The following SHANK2 variants were observed in gnomAD, a reference collection of about 807,000 sequenced individuals.
The protein encoded by SHANK2 is SH3 and multiple ankyrin repeat domains protein 2.
In SHANK2, 43 loss-of-function variants were observed where a neutral mutation model predicts 133.7. The ratio of observed to expected loss-of-function variants is 0.32; its 90% CI spans 0.25 to 0.41. The LOEUF is 0.41. Among genes scored for constraint, SHANK2 ranks in the 10% least tolerant of loss-of-function variants. The pLI is 1.00. For synonymous variants in SHANK2, 1,017 were observed against 952.8 expected (o/e 1.07, Z -1.24); for missense variants, 1,994 against 2,235.8 (o/e 0.89, Z 2.18).
chr11:71,211,034 A>AG (rs1160258591), intron 2 of SHANK2, among the ~76,000 whole-genome samples: 3 of 151,990 alleles, frequency 2.0e-5, no homozygotes, highest in South Asian at 2.1e-4. Context: ...GTCCTGTTTC[A>AG]GGGGGGTCCC....
chr11:70,747,585 C>T lies in SHANK2; in HGVS notation c.1778-48822G>A, dbSNP rs117325176. 9.5e-3 allele frequency among the ~76,000 whole-genome samples: 1,449 copies of T among 152,278 alleles called. 33 individuals are homozygous for T. In the East Asian group the frequency reaches 0.1, roughly 11 times the overall value. On this transcript the variant is annotated intron_variant, in intron 14 of 25. Coordinates refer to ENST00000601538, the MANE Select transcript of SHANK2 (RefSeq NM_012309.5). ...GCACTGCTGGTGGCCACCAGGCTTG[C>T]GTTGGAGATAGCACTGTTTGGGTGG...
intron 17 of SHANK2, among the ~76,000 whole-genome samples, chr11:70,575,888 G>A (rs544831427): frequency 1.3e-5 from 2 of 152,106 alleles, no homozygotes; most frequent in African/African-American, 4.8e-5. Flanking sequence ...TGGGGCCCTG[G>A]TAGGTTTTAA....
chr11:71,076,169 C>G (rs1169803132), intron 8 of SHANK2, among the ~76,000 whole-genome samples: 7 of 152,168 alleles, frequency 4.6e-5, no homozygotes, highest in Non-Finnish European at 8.8e-5. Context: ...CTCTGTCCAG[C>G]CACACACTGC....
chr11:71,116,297 G>A (rs1266012101), intron 4 of SHANK2, among the ~76,000 whole-genome samples: 6 of 152,206 alleles, frequency 3.9e-5, no homozygotes, highest in African/African-American at 9.6e-5. Context: ...GAGTGCAATC[G>A]CTGAATGATG....
chr11:70,690,488 G>GTTTTTTTTTTTTTTTTTTTTTTTTTTTTT lies in SHANK2; in HGVS notation c.1853+8171_1853+8199dup, dbSNP rs35737323. On this transcript the variant is annotated intron_variant, in intron 15 of 25. Transcript: ENST00000601538. ...ATCATCATAATGTAATACTTCCCAT[G>GTTTTTTTTTTTTTTTTTTTTTTTTTTTTT]TTTTTTTTTTTTTTTTTTTTTTTTT... 1.2e-4 allele frequency among the ~76,000 whole-genome samples: 4 copies of GTTTTTTTTTTTTTTTTTTTTTTTTTTTTT among 32,816 alleles called. 1 individual carries two copies. The highest frequency in any genetic ancestry group is 2.0e-4 in the Non-Finnish European group (4 of 19,650). 21.5% of individuals were successfully genotyped at this position (32,816 alleles called of 152,430 possible).
At position 70,470,907 on chromosome 11, in the gene SHANK2, AT is replaced by A. The variant is rs1267903858; in HGVS notation, c.*1961del. 2 of 177,036 alleles carry A rather than the reference AT, an allele frequency of 1.1e-5. No homozygotes were observed. Among genetic ancestry groups the A allele is most frequent in the Admixed American group, 6.2e-5 (1 of 16,018 alleles). 11.0% of individuals were successfully genotyped at this position (177,036 alleles called of 1,614,324 possible). A position where few individuals can be genotyped will look rare whatever the true frequency, so the allele number is the denominator to read the frequency against. The stretch of plus-strand genomic sequence containing the variant: ...TTTTGGAGAAACTGCTGCATTATGA[AT>A]TGTAACCACTTTGAAGAAATTGTCC... On this transcript the variant is annotated 3_prime_UTR_variant, in exon 26 of 26. Coordinates refer to ENST00000601538, the MANE Select transcript of SHANK2 (RefSeq NM_012309.5).
intron 15 of SHANK2, among the ~76,000 whole-genome samples, chr11:70,688,973 ACTT>A (rs1945215218): frequency 6.6e-6 from 1 of 152,152 alleles, no homozygotes; most frequent in South Asian, 2.1e-4. Context: ...TTTGCTTAGA[ACTT>A]CTGGTGGGAG....
At chr11:71,083,728 C>A (rs1039180110) in intron 8 of SHANK2, among the ~76,000 whole-genome samples, 1 of 152,210 alleles carries the variant, frequency 6.6e-6, no homozygotes, top group African/African-American at 2.4e-5. Context: ...CAGGACCACA[C>A]CCCCTGTGGC....
chr11:71,251,463 G>T (rs2135848673), intron 1 of SHANK2, among the ~76,000 whole-genome samples: 1 of 152,104 alleles, frequency 6.6e-6, no homozygotes, highest in African/African-American at 2.4e-5. Context: ...TGCGCTGTCG[G>T]CGTCTCTGGG....
At chr11:70,710,648 G>C (rs1945763197) in intron 14 of SHANK2, among the ~76,000 whole-genome samples, 1 of 152,212 alleles carries the variant, frequency 6.6e-6, no homozygotes, top group South Asian at 2.1e-4. Flanking sequence ...GGGGAAGTCG[G>C]AGAGACTAGA....
At chr11:70,832,157 C>T (rs964198069) in intron 11 of SHANK2, among the ~76,000 whole-genome samples, 6 of 152,242 alleles carry the variant, frequency 3.9e-5, no homozygotes, top group Non-Finnish European at 7.4e-5. Context: ...ATTAATGGTG[C>T]CACTTCACAG....
intron 10 of SHANK2, among the ~76,000 whole-genome samples, chr11:70,902,222 A>T (rs1193651889): frequency 1.8e-4 from 28 of 152,210 alleles, no homozygotes; most frequent in African/African-American, 6.8e-4. Flanking sequence ...TGGCATTCTA[A>T]ATCATCCTAA....
chr11:70,834,152 T>C (rs1168793027), intron 11 of SHANK2, among the ~76,000 whole-genome samples: 1 of 152,228 alleles, frequency 6.6e-6, no homozygotes, highest in African/African-American at 2.4e-5. Context: ...GGAGATTTAT[T>C]AAGGCTCCAC....
At chr11:71,239,891 C>A (rs895126632) in intron 1 of SHANK2, among the ~76,000 whole-genome samples, 3 of 152,178 alleles carry the variant, frequency 2.0e-5, no homozygotes, top group Non-Finnish European at 4.4e-5. Flanking sequence ...GGCCACTAAG[C>A]CCACCAGGCA....
chr11:71,167,179 C>T (rs1293330906), intron 2 of SHANK2, among the ~76,000 whole-genome samples: 1 of 152,004 alleles, frequency 6.6e-6, no homozygotes, highest in Admixed American at 6.6e-5. Flanking sequence ...AAGTCTCCCA[C>T]GTCTACCTCT....
At chr11:70,510,857 G>T (rs1170181886) in intron 17 of SHANK2, among the ~76,000 whole-genome samples, 1 of 152,210 alleles carries the variant, frequency 6.6e-6, no homozygotes, top group African/African-American at 2.4e-5. Context: ...TTTCCGGACA[G>T]AAGCTGCGCA....
In SHANK2 at chr11:70,664,889, G is replaced by C. The variant is rs546820111; in HGVS notation, c.1854-3211C>G. 1.8e-4 allele frequency among the ~76,000 whole-genome samples: 27 copies of C among 152,284 alleles called. No homozygotes were observed. The South Asian group carries it at 5.2e-3, about 29-fold the overall frequency. On this transcript the variant is annotated intron_variant, in intron 15 of 25. Transcript: ENST00000601538. ...GGTCACTGACCTATCAGGCCCCAGAGCCTGCTCTGCAAAATGAGAACAACA... is the reference window on the plus strand; with the variant it reads ...GGTCACTGACCTATCAGGCCCCAGACCCTGCTCTGCAAAATGAGAACAACA...
chr11:71,166,214 C>T (rs1953145097), intron 2 of SHANK2, among the ~76,000 whole-genome samples: 3 of 152,294 alleles, frequency 2.0e-5, no homozygotes, highest in Admixed American at 6.5e-5. Context: ...CACCCTCTCA[C>T]GGATGTCCTG....
intron 17 of SHANK2, among the ~76,000 whole-genome samples, chr11:70,511,600 C>T (rs2059205761): frequency 6.6e-6 from 1 of 152,226 alleles, no homozygotes; most frequent in South Asian, 2.1e-4. Flanking sequence ...CAGGTAAGTA[C>T]TGCAGCTCCT....
Sources: gnomAD v4.1 joint callset for allele counts (sites outside exome capture counted in the v4.1 genomes callset) on GRCh38, gnomAD v4.1.1 for gene constraint, MANE v1.5 for transcripts, NCBI Gene and HGNC (gene_info 2026-07-23, HGNC 2026-07-21) for gene names.